PRIM2: variants seen among roughly 807,000 people sequenced by gnomAD.
PRIM2 encodes DNA primase subunit 2, also known as DNA primase large subunit.
In PRIM2, 39 loss-of-function variants were observed where a neutral mutation model predicts 67.3. That is an observed-to-expected ratio of 0.58 (90% confidence interval 0.45 to 0.76). The LOEUF (loss-of-function observed/expected upper bound fraction) is 0.76. Ranked by LOEUF, PRIM2 falls within the 30% of genes least tolerant of loss-of-function variation. PRIM2 has a pLI of 0.00. For missense variants in PRIM2, 398 were observed against 598.7 expected (o/e 0.66, Z 3.50); for synonymous variants, 143 against 198.7 (o/e 0.72, Z 2.36).
intron 7 of PRIM2, among the ~76,000 whole-genome samples, chr6:57,451,697 T>A (rs1772556315): frequency 1.3e-5 from 2 of 152,234 alleles, no homozygotes; most frequent in African/African-American, 4.8e-5. Context: ...ATAGGCCACG[T>A]GATCTCTTTT....
At chr6:57,629,056 A>G (rs1156729100) in intron 12 of PRIM2, among the ~76,000 whole-genome samples, 5 of 151,754 alleles carry the variant, frequency 3.3e-5, no homozygotes, top group Non-Finnish European at 7.4e-5. Flanking sequence ...GAGTCATCCA[A>G]CCCCCTCAGC....
At position 57,607,370 on chromosome 6, in the gene PRIM2, GA is replaced by G. The variant is rs1174384941; in HGVS notation, c.1230+923del. ...TCCTGCTACCACAAAACCAGTGTCT[GA>G]AAAAAAAAACATAAACCAAGTGTCA... On this transcript the variant is annotated intron_variant, in intron 12 of 13. Transcript: ENST00000615550. Among the ~76,000 whole-genome samples, 12 of 147,588 alleles carry G rather than the reference GA, an allele frequency of 8.1e-5. No homozygotes were observed. The South Asian group carries it at 1.1e-3, about 13-fold the overall frequency.
the PRIM2 span, among the ~76,000 whole-genome samples, chr6:57,256,639 C>T: frequency 6.8e-6 from 1 of 146,790 alleles, no homozygotes. Flanking sequence ...CTTACACACA[C>T]ACACACACAC....
At chr6:57,545,597 A>AT (rs1775273005) in intron 10 of PRIM2, among the ~76,000 whole-genome samples, 1 of 151,500 alleles carries the variant, frequency 6.6e-6, no homozygotes, top group African/African-American at 2.4e-5. Flanking sequence ...GGCCCGGCTA[A>AT]TTTTTTTTGT....
intron 7 of PRIM2, among the ~76,000 whole-genome samples, chr6:57,424,014 C>T (rs1412276546): frequency 6.6e-6 from 1 of 152,100 alleles, no homozygotes; most frequent in Non-Finnish European, 1.5e-5. Flanking sequence ...TTTGGGCTGA[C>T]TAGAAATTTT....
chr6:57,346,474 C>CA (rs2127297709), intron 5 of PRIM2, among the ~76,000 whole-genome samples: 1 of 152,210 alleles, frequency 6.6e-6, no homozygotes, highest in South Asian at 2.1e-4. Flanking sequence ...CGCCCACCAC[C>CA]ATGCCTGGCT....
chr6:57,312,611 T>C (rs892779740), upstream of PRIM2, among the ~76,000 whole-genome samples: 1 of 152,182 alleles, frequency 6.6e-6, no homozygotes, highest in Non-Finnish European at 1.5e-5. Context: ...TTAAAAAAAG[T>C]TTAAAATATA....
intron 10 of PRIM2, among the ~76,000 whole-genome samples, chr6:57,550,786 G>T (rs1346054257): frequency 1.3e-5 from 2 of 152,142 alleles, no homozygotes; most frequent in Non-Finnish European, 1.5e-5. Flanking sequence ...AATAAAATAT[G>T]TATCTTCTTA....
intron 5 of PRIM2, among the ~76,000 whole-genome samples, chr6:57,334,947 T>C: frequency 6.6e-6 from 1 of 152,092 alleles, no homozygotes; most frequent in Admixed American, 6.5e-5. Flanking sequence ...CCATCTGAGG[T>C]ACCGGGTTCA....
chr6:57,372,944 AT>A (rs1262455938), intron 5 of PRIM2, among the ~76,000 whole-genome samples: 9 of 152,298 alleles, frequency 5.9e-5, no homozygotes, highest in East Asian at 1.9e-4. Flanking sequence ...TAATAAAAAA[AT>A]AAAATGATTT....
In PRIM2 at chr6:57,402,761, C is replaced by G. The variant is rs566548990; in HGVS notation, c.693+20593C>G. On this transcript the variant is annotated intron_variant, in intron 7 of 13. Transcript: ENST00000615550. ...AGTGTGTGTGCTGGTGGTTTCTAAA[C>G]TTTTGATTGTGTCCCCTCAGTTAAA... is the stretch of plus-strand genomic sequence containing the variant. 3.2e-4 allele frequency among the ~76,000 whole-genome samples: 48 copies of G among 152,266 alleles called. 1 individual carries two copies. Among genetic ancestry groups the G allele is most frequent in the Middle Eastern group, 3.4e-3 (1 of 294 alleles).
chr6:57,436,081 C>A (rs1772003117), intron 7 of PRIM2, among the ~76,000 whole-genome samples: 1 of 152,138 alleles, frequency 6.6e-6, no homozygotes, highest in Non-Finnish European at 1.5e-5. Flanking sequence ...CCCATCTCCT[C>A]TTTTTGTTCT....
the PRIM2 span, among the ~76,000 whole-genome samples, chr6:57,287,269 A>G: frequency 6.6e-6 from 1 of 152,202 alleles, no homozygotes; most frequent in African/African-American, 2.4e-5. Flanking sequence ...TACATACCCA[A>G]AGGATTGTAA....
the PRIM2 span, among the ~76,000 whole-genome samples, chr6:57,272,685 A>G: frequency 1.3e-5 from 2 of 152,090 alleles, no homozygotes; most frequent in Non-Finnish European, 1.5e-5. Flanking sequence ...TTAGCTGGCT[A>G]TTTTGCTCGT....
At chr6:57,454,344 A>G (rs188337257) in intron 7 of PRIM2, among the ~76,000 whole-genome samples, 1 of 152,204 alleles carries the variant, frequency 6.6e-6, no homozygotes, top group Non-Finnish European at 1.5e-5. Context: ...ATTGATTGGA[A>G]TAGTTTCAGA....
chr6:57,472,117 C>A (rs1371470420), intron 7 of PRIM2, among the ~76,000 whole-genome samples: 49,477 of 151,688 alleles, frequency 0.33, 8,043 homozygotes, highest in East Asian at 0.45. Context: ...GAGGGAGAGA[C>A]CTCAAGGATA....
chr6:57,226,438 C>A, the PRIM2 span, among the ~76,000 whole-genome samples: 1 of 152,150 alleles, frequency 6.6e-6, no homozygotes, highest in Non-Finnish European at 1.5e-5. Flanking sequence ...GCAAACAATT[C>A]ACTGGGTTTG....
At chr6:57,470,397 CCCCCTCT>C (rs1773308006) in intron 7 of PRIM2, among the ~76,000 whole-genome samples, 2 of 94,176 alleles carry the variant, frequency 2.1e-5, no homozygotes, top group South Asian at 4.6e-4. Flanking sequence ...AGGGGCCTCT[CCCCCTCT>C]CCCCTCTCCC....
At chr6:57,641,358 G>A (rs1447169003) in intron 13 of PRIM2, among the ~76,000 whole-genome samples, 2 of 152,040 alleles carry the variant, frequency 1.3e-5, no homozygotes, top group Non-Finnish European at 2.9e-5. Context: ...AACACCAAAA[G>A]CAACGGCAAC....
Sources: gnomAD v4.1 joint callset for allele counts (sites outside exome capture counted in the v4.1 genomes callset) on GRCh38, gnomAD v4.1.1 for gene constraint, MANE v1.5 for transcripts, NCBI Gene and HGNC (gene_info 2026-07-23, HGNC 2026-07-21) for gene names.